The following SEC14L1 variants were observed in gnomAD, a reference collection of about 807,000 sequenced individuals.
SEC14L1 encodes the protein SEC14 like lipid binding 1.
Under a neutral mutation model 85.3 loss-of-function variants are expected in SEC14L1, and 48 were observed. The ratio of observed to expected loss-of-function variants is 0.56; its 90% CI spans 0.45 to 0.72. SEC14L1 has a LOEUF of 0.72. SEC14L1 is among the 30% of genes least tolerant of loss of function. The pLI is 0.00. For synonymous variants in SEC14L1, 391 were observed against 355.5 expected, an observed-to-expected ratio of 1.10 and a Z score of -1.12; for missense variants, 682 against 921.4, an observed-to-expected ratio of 0.74 and a Z score of 3.36.
intron 3 of SEC14L1, among the ~76,000 whole-genome samples, chr17:77,162,701 G>A (rs953378785): frequency 1.2e-4 from 18 of 151,944 alleles, no homozygotes; most frequent in Non-Finnish European, 8.8e-5. Context: ...GTGGTGGTAC[G>A]TGCCTGTAAT....
At chr17:77,136,314 G>A (rs189639420), upstream of SEC14L1, among the ~76,000 whole-genome samples, 405 of 129,558 alleles carry the variant, frequency 3.1e-3, 3 homozygotes, top group Non-Finnish European at 5.0e-3. Flanking sequence ...ACCCTGCCCT[G>A]CCCTCCCTCT....
chr17:77,112,830 C>T (rs951766637), intron 3 of SEC14L1, among the ~76,000 whole-genome samples: 1 of 149,192 alleles, frequency 6.7e-6, no homozygotes, highest in Non-Finnish European at 1.5e-5. Flanking sequence ...GCCAAGATCG[C>T]GCCACTGCAT....
intron 3 of SEC14L1, among the ~76,000 whole-genome samples, chr17:77,134,472 C>G (rs1279805873): frequency 1.3e-5 from 2 of 151,972 alleles, no homozygotes; most frequent in Non-Finnish European, 2.9e-5. Flanking sequence ...AATCCCAGCC[C>G]TTTGGGAGGT....
chr17:77,101,721 C>T (rs926786234), intron 3 of SEC14L1, among the ~76,000 whole-genome samples: 1 of 152,198 alleles, frequency 6.6e-6, no homozygotes, highest in Non-Finnish European at 1.5e-5. Flanking sequence ...CATGCTGATA[C>T]TGCTGGTCTG....
intron 3 of SEC14L1, among the ~76,000 whole-genome samples, chr17:77,123,622 G>A (rs1678247592): frequency 6.6e-6 from 1 of 150,558 alleles, no homozygotes; most frequent in South Asian, 2.1e-4. Flanking sequence ...TCACCATGTT[G>A]CCCAGGTCTC....
At chr17:77,093,493 G>C (rs1971565963) in intron 3 of SEC14L1, 1 of 152,230 alleles carries the variant, frequency 6.6e-6, no homozygotes, top group Non-Finnish European at 1.5e-5. Context: ...TGAGTGTGTA[G>C]CCTCTCATCA....
At chr17:77,207,311 A>T (rs1976514843) in intron 13 of SEC14L1, among the ~76,000 whole-genome samples, 1 of 136,754 alleles carries the variant, frequency 7.3e-6, no homozygotes, top group Non-Finnish European at 1.6e-5. Context: ...ACAGCTCAGC[A>T]GCCTGACTTG....
At position 77,215,244 on chromosome 17, in the gene SEC14L1, CT is replaced by C. The variant is rs1339719392; in HGVS notation, c.*1222del. 1.0e-6 allele frequency: 1 copy of C among 985,306 alleles called. No homozygotes were observed. Among genetic ancestry groups the C allele is most frequent in the East Asian group, 1.1e-4 (1 of 8,836 alleles). The allele number at this position is 985,306 out of a possible 1,614,324, so 61.0% of individuals were successfully genotyped here. The stretch of plus-strand genomic sequence containing the variant: ...TTCCTGATTTTAAAGCCTGCTCTAT[CT>C]GGTACAGGCCCTTATTTTTTCAGCT... On this transcript the variant is annotated 3_prime_UTR_variant, in exon 17 of 17. Transcript: ENST00000436233.
chr17:77,105,987 GA>G (rs112870360), intron 3 of SEC14L1, among the ~76,000 whole-genome samples: 221 of 136,224 alleles, frequency 1.6e-3, no homozygotes, highest in Middle Eastern at 3.7e-3. Context: ...GAGTTCAGAG[GA>G]AAAAAAAAAA....
intron 14 of SEC14L1, chr17:77,211,680 T>C: frequency 2.0e-6 from 1 of 488,258 alleles, no homozygotes; most frequent in East Asian, 3.8e-5. Context: ...CCTCTTAGAG[T>C]GTGTGTGAAG....
chr17:77,146,167 G>C (rs1973293827), intron 3 of SEC14L1, among the ~76,000 whole-genome samples: 1 of 152,158 alleles, frequency 6.6e-6, no homozygotes, highest in Non-Finnish European at 1.5e-5. Context: ...AGTGAGCTGG[G>C]CTGGTGGAGC....
chr17:77,182,632 T>A (rs73998641), intron 3 of SEC14L1, among the ~76,000 whole-genome samples: 1 of 152,204 alleles, frequency 6.6e-6, no homozygotes, highest in African/African-American at 2.4e-5. Context: ...GTTCATTTCG[T>A]CCAGCCTTTC....
intron 3 of SEC14L1, among the ~76,000 whole-genome samples, chr17:77,120,067 T>A (rs1025359504): frequency 6.6e-6 from 1 of 152,058 alleles, no homozygotes; most frequent in Non-Finnish European, 1.5e-5. Context: ...CTGACAAACA[T>A]CGTCTTAAAA....
chr17:77,187,349 C>T (rs568284057), intron 3 of SEC14L1, among the ~76,000 whole-genome samples: 51 of 151,992 alleles, frequency 3.4e-4, no homozygotes, highest in African/African-American at 1.2e-3. Flanking sequence ...CTTCTTACAG[C>T]CTAGATTCTT....
intron 3 of SEC14L1, among the ~76,000 whole-genome samples, chr17:77,155,869 TTCG>T (rs1973791068): frequency 6.6e-6 from 1 of 152,192 alleles, no homozygotes; most frequent in Non-Finnish European, 1.5e-5. Flanking sequence ...CGTGAGCCAC[TTCG>T]CCCAGTCCAC....
intron 3 of SEC14L1, among the ~76,000 whole-genome samples, chr17:77,188,971 G>A (rs1975396858): frequency 6.6e-6 from 1 of 150,694 alleles, no homozygotes; most frequent in Admixed American, 6.6e-5. Flanking sequence ...TTTTCTAATT[G>A]GACTTTTTAA....
chr17:77,141,857 C>T (rs1973065835), intron 1 of SEC14L1: 1 of 152,156 alleles, frequency 6.6e-6, no homozygotes, highest in Non-Finnish European at 1.5e-5. Flanking sequence ...TGGGAGAGTA[C>T]CCTAAAATTA....
chr17:77,163,077 T>A (rs537348038), intron 3 of SEC14L1, among the ~76,000 whole-genome samples: 1 of 152,274 alleles, frequency 6.6e-6, no homozygotes, highest in South Asian at 2.1e-4. Flanking sequence ...CCTCCTGGAC[T>A]CTTGTTACTT....
chr17:77,127,141 A>C (rs2143428613), intron 3 of SEC14L1, among the ~76,000 whole-genome samples: 2 of 147,890 alleles, frequency 1.4e-5, no homozygotes, highest in African/African-American at 5.0e-5. Context: ...CTCACCCCTC[A>C]CCCCCAACCA....
Sources: allele counts gnomAD v4.1 joint callset (sites outside exome capture counted in the v4.1 genomes callset), GRCh38; gene constraint gnomAD v4.1.1; transcripts MANE v1.5; gene names NCBI Gene and HGNC (gene_info 2026-07-23, HGNC 2026-07-21).